The following CHD1 variants were observed in gnomAD, a reference collection of about 807,000 sequenced individuals.
The protein encoded by CHD1 is chromodomain helicase DNA binding protein 1.
In CHD1, 36 loss-of-function variants were observed where a neutral mutation model predicts 224.2. That is an observed-to-expected ratio of 0.16 (90% CI 0.12 to 0.21). CHD1 has a LOEUF of 0.21. Ranked by LOEUF, CHD1 falls within the 10% of genes least tolerant of loss-of-function variation. The probability of loss-of-function intolerance (pLI) is 1.00; values close to 1 mark genes in which losing one functional copy is unlikely to be tolerated. For missense variants in CHD1, 1,378 were observed against 1,994.8 expected (o/e 0.69, Z 5.89); for synonymous variants, 668 against 658.3 (o/e 1.01, Z -0.23).
chr5:98,914,176 T>A (rs530808667), intron 2 of CHD1, among the ~76,000 whole-genome samples: 1 of 152,278 alleles, frequency 6.6e-6, no homozygotes, highest in South Asian at 2.1e-4. Context: ...GCCTTAAAAA[T>A]GAAGTGGCTT....
At chr5:98,858,486 C>A (rs947757737) in intron 34 of CHD1, 96 bp from the exon 35 acceptor site, 1 of 961,388 alleles carries the variant, frequency 1.0e-6, no homozygotes, top group Admixed American at 2.2e-5. Context: ...CAACCCTTGC[C>A]AAAACAAAAT....
At chr5:98,869,178 C>T (rs1749127475) in intron 30 of CHD1, 1 of 970,350 alleles carries the variant, frequency 1.0e-6, no homozygotes, top group Non-Finnish European at 1.2e-6. Flanking sequence ...CTCTTTTCTT[C>T]TGGTTCCTTC....
chr5:98,915,531 T>A (rs1418190826), intron 2 of CHD1, among the ~76,000 whole-genome samples: 2 of 152,230 alleles, frequency 1.3e-5, no homozygotes, highest in African/African-American at 4.8e-5. Context: ...ATAAGGGCTA[T>A]GGATATATAC....
Position 98,856,421 on chromosome 5 carries a change from T to G in CHD1, c.5092A>C (p.Lys1698Gln). The change falls in exon 36 of 36, where the codon AAA (lysine) becomes CAA (glutamine). Residue 1698 changes from lysine to glutamine, a missense_variant. Lys to Gln is a moderately conservative substitution (Grantham distance 53). Around this residue, in one of 16 missense-constraint regions of CHD1, gnomAD observed 278 missense variants for 298.5 expected, o/e 0.93. Coordinates refer to ENST00000614616, the MANE Select transcript of CHD1 (RefSeq NM_001270.4). ...RSPFEHSVEH[K>Q]STPEHTWSSR... ...CTCCAGGTATGCTCCGGTGTACTTT[T>G]GTGTTCAACTGAATGTTCAAATGGA... The G allele has an allele frequency of 6.2e-7, 1 of 1,613,434 alleles. No homozygotes were observed. Among genetic ancestry groups the G allele is most frequent in the Non-Finnish European group, 8.5e-7 (1 of 1,179,600 alleles).
intron 2 of CHD1, among the ~76,000 whole-genome samples, chr5:98,913,145 C>CTA (rs1752529581): frequency 6.6e-6 from 1 of 152,136 alleles, no homozygotes; most frequent in Non-Finnish European, 1.5e-5. Flanking sequence ...TCCCTTCCAC[C>CTA]TATAGCTACT....
At chr5:98,913,176 C>A (rs1184413540) in intron 2 of CHD1, among the ~76,000 whole-genome samples, 1 of 152,052 alleles carries the variant, frequency 6.6e-6, no homozygotes. Flanking sequence ...CAATGTCATT[C>A]GAAAGAGCTT....
At chr5:98,910,750 T>A (rs1231568051) in intron 2 of CHD1, among the ~76,000 whole-genome samples, 1 of 152,110 alleles carries the variant, frequency 6.6e-6, no homozygotes, top group African/African-American at 2.4e-5. Flanking sequence ...ATCCTGGAGA[T>A]CATTCTGCAG....
In CHD1 at chr5:98,870,422, A is replaced by G. The variant is rs1358929305; in HGVS notation, c.3978+265T>C. 2.6e-5 allele frequency among the ~76,000 whole-genome samples: 4 copies of G among 152,138 alleles called. No individual in the cohort carries two copies. The East Asian group carries it at 7.7e-4, about 29-fold the overall frequency. The stretch of plus-strand genomic sequence containing the variant: ...CTTCTCAAAAAGTACTCCGCACGCT[A>G]AACGAGTTTTCTCTATCCCTCTCTA... On this transcript the variant is annotated intron_variant, in intron 29 of 35. Transcript: ENST00000614616.
At chr5:98,865,937 T>TA (rs953242475) in intron 31 of CHD1, among the ~76,000 whole-genome samples, 19 of 114,948 alleles carry the variant, frequency 1.7e-4, no homozygotes, top group Admixed American at 8.9e-4. Flanking sequence ...GTCCGAAGAT[T>TA]AAAAAAGAAA....
chr5:98,870,660 G>C (rs1298964893), intron 29 of CHD1, 27 bp downstream of exon 29: 2 of 1,361,196 alleles, frequency 1.5e-6, no homozygotes, highest in Non-Finnish European at 2.1e-6. Context: ...AAGTAAACTG[G>C]TCTTAGGCAT....
intron 2 of CHD1, among the ~76,000 whole-genome samples, chr5:98,915,044 T>C (rs1226116565): frequency 1.3e-5 from 2 of 152,130 alleles, no homozygotes; most frequent in Non-Finnish European, 2.9e-5. Context: ...AAAAAACAAT[T>C]AGTGGCCAAA....
At chr5:98,919,428 C>T (rs1752949738) in intron 2 of CHD1, among the ~76,000 whole-genome samples, 1 of 152,036 alleles carries the variant, frequency 6.6e-6, no homozygotes, top group East Asian at 1.9e-4. Context: ...ATGAACTTGA[C>T]CAACATCAGA....
chr5:98,892,793 G>A (rs1382425085), intron 14 of CHD1, 80 bp from the exon 15 acceptor site: 1 of 846,702 alleles, frequency 1.2e-6, no homozygotes, highest in Non-Finnish European at 1.7e-6. Flanking sequence ...TTTTTTAGGG[G>A]AGTCATTTAT....
intron 26 of CHD1, among the ~76,000 whole-genome samples, chr5:98,872,779 TTAC>T (rs2112328684): frequency 6.6e-6 from 1 of 152,306 alleles, no homozygotes; most frequent in East Asian, 1.9e-4. Flanking sequence ...GTTTTACCAA[TTAC>T]ATAAGATGGA....
At chr5:98,876,181 T>C (rs921152097) in intron 24 of CHD1, among the ~76,000 whole-genome samples, 5 of 152,178 alleles carry the variant, frequency 3.3e-5, no homozygotes, top group African/African-American at 4.8e-5. Context: ...GTCTAAGCAG[T>C]TTAGCGATAA....
chr5:98,865,436 G>A (rs1748789718), intron 31 of CHD1, among the ~76,000 whole-genome samples: 1 of 152,152 alleles, frequency 6.6e-6, no homozygotes, highest in Admixed American at 6.6e-5. Context: ...GTTGCTATGT[G>A]GAGTACAAAC....
rs1439792394 is a variant in CHD1 at position 98,882,135 on chromosome 5, C to A, written c.2719-12G>T. On this transcript the variant is annotated splice_polypyrimidine_tract_variant and intron_variant, in intron 19 of 35. Coordinates refer to ENST00000614616, the MANE Select transcript of CHD1 (RefSeq NM_001270.4). ...CGATAAATATTCACCTGTAAAAATA[C>A]ACATGAGGAAACAAATTGCAGTATA... 7 of 1,608,518 alleles carry A rather than the reference C, an allele frequency of 4.4e-6. No homozygotes were observed. The South Asian group carries it at 7.7e-5, about 18-fold the overall frequency.
chr5:98,916,099 C>T (rs1224286523), intron 2 of CHD1, among the ~76,000 whole-genome samples: 2 of 150,840 alleles, frequency 1.3e-5, no homozygotes, highest in Non-Finnish European at 3.0e-5. Context: ...GGCTGAGGCA[C>T]GAGAATCGCT....
chr5:98,876,786 C>T (rs1035648646), intron 23 of CHD1, among the ~76,000 whole-genome samples: 1 of 152,176 alleles, frequency 6.6e-6, no homozygotes, highest in African/African-American at 2.4e-5. Context: ...AGTTATTCTA[C>T]TGACGCAGCA....
Sources: allele counts gnomAD v4.1 joint callset (sites outside exome capture counted in the v4.1 genomes callset), GRCh38; gene constraint gnomAD v4.1.1; regional missense constraint gnomAD v4.1.1; transcripts MANE v1.5; gene names NCBI Gene and HGNC (gene_info 2026-07-23, HGNC 2026-07-21).